The following SNX14 variants were observed in gnomAD, a reference collection of about 807,000 sequenced individuals.
SNX14 encodes sorting nexin-14.
A neutral mutation model predicts 133.8 loss-of-function variants in SNX14; 93 were observed. That is an observed-to-expected ratio of 0.70 (90% CI 0.59 to 0.83). The LOEUF is 0.83. SNX14 is among the 40% of genes least tolerant of loss of function. SNX14 has a pLI of 0.00. For synonymous variants in SNX14, 368 were observed against 365.6 expected (o/e 1.01, Z -0.07); for missense variants, 945 against 1,094.9 (o/e 0.86, Z 1.93).
chr6:85,546,690 C>T (rs1415796178), intron 12 of SNX14, among the ~76,000 whole-genome samples: 1 of 151,960 alleles, frequency 6.6e-6, no homozygotes, highest in African/African-American at 2.4e-5. Flanking sequence ...TGGCCGGGCG[C>T]GGTGGCTCAC....
intron 6 of SNX14, 134 bp downstream of exon 6, chr6:85,565,198 C>T: frequency 1.8e-6 from 1 of 548,730 alleles, no homozygotes; most frequent in Non-Finnish European, 3.3e-6. Flanking sequence ...TTACTTACTA[C>T]ATGCCTGTAT....
chr6:85,506,773 T>C (rs1420351367), intron 28 of SNX14, among the ~76,000 whole-genome samples: 1 of 152,226 alleles, frequency 6.6e-6, no homozygotes, highest in Non-Finnish European at 1.5e-5. Context: ...ACTTAAACCT[T>C]TGCTCAAAAC....
At chr6:85,512,533 A>T (rs923411659) in intron 26 of SNX14, among the ~76,000 whole-genome samples, 2 of 151,690 alleles carry the variant, frequency 1.3e-5, no homozygotes, top group Non-Finnish European at 2.9e-5. Flanking sequence ...GAGACAGTAG[A>T]ATTGCTTGAA....
chr6:85,580,294 G>A (rs77055670), intron 1 of SNX14, among the ~76,000 whole-genome samples: 2,207 of 152,086 alleles, frequency 0.015, 50 homozygotes, highest in African/African-American at 0.051. Flanking sequence ...AGGATTCATC[G>A]TCTGCTGACT....
At chr6:85,552,863 A>G (rs982120169) in intron 7 of SNX14, among the ~76,000 whole-genome samples, 2 of 152,176 alleles carry the variant, frequency 1.3e-5, no homozygotes, top group African/African-American at 2.4e-5. Flanking sequence ...TGCTAACCCC[A>G]GGTTTTTAGA....
chr6:85,561,977 T>G (rs1791799632), intron 6 of SNX14, among the ~76,000 whole-genome samples: 1 of 152,208 alleles, frequency 6.6e-6, no homozygotes, highest in South Asian at 2.1e-4. Flanking sequence ...CATAAGCAGT[T>G]TTTTTATCCT....
Position 85,530,267 on chromosome 6 carries a change from C to T in SNX14, c.1819G>A (p.Glu607Lys), listed in dbSNP as rs1779800616. The change falls in exon 19 of 29, where the codon GAG becomes AAG. Residue 607 changes from glutamate (E) to lysine (K), a missense_variant. By Grantham distance (56) the Glu-to-Lys change is moderately conservative. Coordinates refer to ENST00000314673, the MANE Select transcript of SNX14 (RefSeq NM_153816.6). ...ERNDRRAVGH[E>K]PEHWSVYRRY... Reference sequence around the variant, plus strand: ...CTATAGACAGACCAATGTTCAGGCTCGTGTCCAACTGTAAATTGAGTACAC... The same window carrying T: ...CTATAGACAGACCAATGTTCAGGCTTGTGTCCAACTGTAAATTGAGTACAC... 3.8e-6 allele frequency: 6 copies of T among 1,595,420 alleles called. No homozygotes were observed. The highest frequency in any genetic ancestry group is 5.1e-6 in the Non-Finnish European group (6 of 1,170,466).
chr6:85,533,839 T>C (rs1259957910), intron 17 of SNX14, 39 bp from the exon 18 acceptor site: 3 of 1,517,782 alleles, frequency 2.0e-6, no homozygotes, highest in Admixed American at 1.7e-5. Flanking sequence ...ATATTCCCAA[T>C]ACCTTTAGAA....
intron 26 of SNX14, 98 bp from the exon 27 acceptor site, chr6:85,508,157 C>T: frequency 1.4e-6 from 2 of 1,474,708 alleles, no homozygotes; most frequent in South Asian, 1.4e-5. Context: ...TTCCCAGATA[C>T]TAGGCAAAAA....
intron 1 of SNX14, among the ~76,000 whole-genome samples, chr6:85,588,277 C>CA (rs1357087729): frequency 7.3e-5 from 11 of 150,538 alleles, no homozygotes; most frequent in African/African-American, 2.7e-4. Flanking sequence ...GAGACTGTCT[C>CA]AAAAAAATAA....
chr6:85,516,678 C>T (rs1775127655), intron 23 of SNX14, among the ~76,000 whole-genome samples: 1 of 147,452 alleles, frequency 6.8e-6, no homozygotes. Context: ...TGCTCTGTCC[C>T]CCAGGCTGAA....
At chr6:85,561,763 T>C (rs1238816782) in intron 6 of SNX14, among the ~76,000 whole-genome samples, 1 of 152,126 alleles carries the variant, frequency 6.6e-6, no homozygotes, top group East Asian at 1.9e-4. Flanking sequence ...AACTTTGTTT[T>C]CAAAGTAGAA....
intron 26 of SNX14, among the ~76,000 whole-genome samples, chr6:85,512,366 A>T (rs1172787073): frequency 6.6e-6 from 1 of 152,138 alleles, no homozygotes; most frequent in Non-Finnish European, 1.5e-5. Context: ...TCACGCCTGT[A>T]ACCCCAGCAC....
intron 19 of SNX14, among the ~76,000 whole-genome samples, chr6:85,528,827 C>T (rs780961413): frequency 2.0e-5 from 3 of 152,060 alleles, no homozygotes; most frequent in Admixed American, 6.6e-5. Context: ...GAGGCCACAG[C>T]GAGCAGATCA....
intron 17 of SNX14, among the ~76,000 whole-genome samples, chr6:85,534,288 A>G (rs1182840530): frequency 6.6e-6 from 1 of 152,200 alleles, no homozygotes; most frequent in Non-Finnish European, 1.5e-5. Context: ...TAAGTCTCCA[A>G]TAAGACATCC....
At chr6:85,528,393 G>T in intron 19 of SNX14, 31 bp from the exon 20 acceptor site, 1 of 1,520,434 alleles carries the variant, frequency 6.6e-7, no homozygotes, top group South Asian at 1.2e-5. Context: ...AGTTATTACT[G>T]TGTTCTGCTA....
At chr6:85,517,154 T>G (rs1161259923) in intron 23 of SNX14, among the ~76,000 whole-genome samples, 1 of 152,222 alleles carries the variant, frequency 6.6e-6, no homozygotes, top group African/African-American at 2.4e-5. Context: ...AATAAAAATT[T>G]TCTATCTATA....
At chr6:85,541,945 A>T (rs780339533) in intron 15 of SNX14, 40 bp downstream of exon 15, 2 of 1,468,864 alleles carry the variant, frequency 1.4e-6, no homozygotes, top group East Asian at 4.6e-5. Context: ...TCATAGAATG[A>T]CTGGCATCAG....
At chr6:85,582,361 G>C (rs948411668) in intron 1 of SNX14, among the ~76,000 whole-genome samples, 1 of 152,026 alleles carries the variant, frequency 6.6e-6, no homozygotes, top group African/African-American at 2.4e-5. Flanking sequence ...AAATGTTAAA[G>C]GTAGTTCTTC....
Sources: gnomAD v4.1 joint callset for allele counts (sites outside exome capture counted in the v4.1 genomes callset) on GRCh38, gnomAD v4.1.1 for gene constraint, MANE v1.5 for transcripts, NCBI Gene and HGNC (gene_info 2026-07-23, HGNC 2026-07-21) for gene names.